Variants in CFAP92 observed in about 807,000 individuals in gnomAD.
CFAP92 encodes uncharacterized protein CFAP92.
CFAP92 carries 86 observed loss-of-function variants against 106.3 expected under a neutral mutation model. The observed-to-expected ratio is 0.81, with a 90% confidence interval of 0.68 to 0.97. CFAP92 has a LOEUF of 0.97. CFAP92 is among the 50% of genes least tolerant of loss of function. The probability of loss-of-function intolerance (pLI) is 0.00; values close to 1 mark genes in which losing one functional copy is unlikely to be tolerated. For synonymous variants in CFAP92, 477 were observed against 506.4 expected, an observed-to-expected ratio of 0.94 and a Z score of 0.78; for missense variants, 1,204 against 1,283.8, an observed-to-expected ratio of 0.94 and a Z score of 0.95.
At chr3:129,004,660 T>C (rs1433927107), upstream of CFAP92, among the ~76,000 whole-genome samples, 2 of 152,102 alleles carry the variant, frequency 1.3e-5, no homozygotes, top group Non-Finnish European at 1.5e-5. Context: ...ATCATAATGA[T>C]AATAGCTTAC....
At chr3:128,913,931 C>T (rs1443762177) in intron 15 of CFAP92, among the ~76,000 whole-genome samples, 2 of 152,084 alleles carry the variant, frequency 1.3e-5, no homozygotes, top group African/African-American at 4.8e-5. Context: ...TCTGTGCAGC[C>T]TTCTGGAAGG....
the CFAP92 span, among the ~76,000 whole-genome samples, chr3:129,022,271 T>A: frequency 6.6e-6 from 1 of 152,176 alleles, no homozygotes; most frequent in Non-Finnish European, 1.5e-5. Flanking sequence ...GTTGACTGAT[T>A]AATCAATGAG....
chr3:128,940,074 G>A (rs1380481832), intron 10 of CFAP92, among the ~76,000 whole-genome samples: 3 of 152,122 alleles, frequency 2.0e-5, no homozygotes, highest in Admixed American at 6.5e-5. Context: ...TCTTGTGGCC[G>A]GCCGCCTCTC....
At chr3:128,957,988 G>GCATGTGGCAGCATCCACTTTC (rs1333799017) in intron 9 of CFAP92, among the ~76,000 whole-genome samples, 3 of 152,110 alleles carry the variant, frequency 2.0e-5, no homozygotes, top group Non-Finnish European at 2.9e-5. Flanking sequence ...ATGTCCCCTG[G>GCATGTGGCAGCATCCACTTTC]CATGTGGCAG....
Position 128,988,757 on chromosome 3 carries a change from C to G in CFAP92, c.424G>C (p.Ala142Pro). The G allele has an allele frequency of 6.2e-7, 1 of 1,613,640 alleles. No homozygotes were observed. The highest frequency in any genetic ancestry group is 8.5e-7 in the Non-Finnish European group (1 of 1,179,894). Residue 142 changes from alanine (A) to proline (P), a missense_variant, in exon 3 of 16, where the codon GCC becomes CCC. Physicochemically the swap from Ala to Pro is conservative, Grantham distance 27. Transcript: ENST00000645291. ...ACTCCTGACTCCAGGAATACTTTGG[C>G]CACCATTGGAAATAGCAATATGTCA... ...KVDILLFPMV[A>P]KVFLESGVKT...
chr3:128,956,227 A>C (rs1229801051), intron 9 of CFAP92, among the ~76,000 whole-genome samples: 1 of 91,976 alleles, frequency 1.1e-5, no homozygotes, highest in Non-Finnish European at 2.0e-5. Context: ...AAAAAAAAAA[A>C]AGAAAATAGA....
intron 2 of CFAP92, among the ~76,000 whole-genome samples, chr3:128,992,647 TCAC>T (rs1944286976): frequency 6.6e-6 from 1 of 151,972 alleles, no homozygotes; most frequent in Non-Finnish European, 1.5e-5. Context: ...TGATCTCTGC[TCAC>T]CACAACCTCC....
intron 9 of CFAP92, among the ~76,000 whole-genome samples, chr3:128,956,319 G>A (rs1410245583): frequency 6.6e-6 from 1 of 151,382 alleles, no homozygotes; most frequent in East Asian, 1.9e-4. Context: ...AGGGCCCTGT[G>A]GGACTAAAAC....
chr3:128,942,881 C>T (rs962924618), intron 10 of CFAP92, among the ~76,000 whole-genome samples: 36 of 147,472 alleles, frequency 2.4e-4, no homozygotes, highest in African/African-American at 5.8e-4. Flanking sequence ...GGGGTTTCAC[C>T]GTGTTGGCAA....
intron 9 of CFAP92, among the ~76,000 whole-genome samples, chr3:128,956,790 G>A (rs1251706159): frequency 2.0e-5 from 3 of 151,834 alleles, no homozygotes; most frequent in Non-Finnish European, 4.4e-5. Flanking sequence ...CACTAGCCTG[G>A]CTAACATGGT....
At position 128,962,737 on chromosome 3, in the gene CFAP92, C is replaced by T. The variant is rs1054591893; in HGVS notation, c.1353+2774G>A. Among the ~76,000 whole-genome samples the T allele has an allele frequency of 1.0e-3, 157 of 152,298 alleles. 1 individual carries two copies. The highest frequency in any genetic ancestry group is 3.2e-3 in the African/African-American group (135 of 41,564). ...AAAAGGATTAAAGCCTGTGATCACT[C>T]GCCTGCTACAGCACGGGCTTCTAAA... On this transcript the variant is annotated intron_variant, in intron 9 of 15. Coordinates refer to ENST00000645291, the MANE Select transcript of CFAP92 (RefSeq NM_001394090.1).
chr3:129,019,131 G>A, the CFAP92 span, among the ~76,000 whole-genome samples: 1 of 152,254 alleles, frequency 6.6e-6, no homozygotes, highest in Non-Finnish European at 1.5e-5. Context: ...TGGCCCCAGT[G>A]TGTTCTTTGA....
At position 128,971,415 on chromosome 3, in the gene CFAP92, T is replaced by C. The variant is rs935095670; in HGVS notation, c.1040A>G (p.Glu347Gly). The C allele has an allele frequency of 6.2e-7, 1 of 1,609,072 alleles. No individual in the cohort carries two copies. The highest frequency in any genetic ancestry group is 1.1e-5 in the South Asian group (1 of 90,424). The change falls in exon 8 of 16, where the codon GAG becomes GGG. Residue 347 changes from glutamate to glycine, a missense_variant. Coordinates refer to ENST00000645291, the MANE Select transcript of CFAP92 (RefSeq NM_001394090.1). ...QRSQIKGKDS[E>G]GRRKIQRRHK... ...TCTCCTCTGGATTTTCCTTCTTCCC[T>C]CTGAATCTTTCCCTTTAACTGTGAA... is the stretch of plus-strand genomic sequence containing the variant.
chr3:128,984,140 C>T (rs1943702794), intron 4 of CFAP92, among the ~76,000 whole-genome samples: 1 of 152,186 alleles, frequency 6.6e-6, no homozygotes, highest in Non-Finnish European at 1.5e-5. Flanking sequence ...GAAAAGAATG[C>T]TGTCTTCATC....
chr3:129,001,576 C>T (rs1338337127), intron 1 of CFAP92: 55 of 1,346,710 alleles, frequency 4.1e-5, no homozygotes, highest in South Asian at 5.6e-5. Flanking sequence ...CTGGAAGTGG[C>T]GGGGCGAAGG....
rs1165108916 is a variant in CFAP92 at position 128,932,740 on chromosome 3, A to G, written c.2711T>C (p.Met904Thr). ...QEKYLQWRSA[M>T]LMKNKDKKHS... ...CTTTTTGTCTTTGTTCTTCATAAGCATGGCACTCCGCCACTGCAGGTACTT... is the reference window on the plus strand; with the variant it reads ...CTTTTTGTCTTTGTTCTTCATAAGCGTGGCACTCCGCCACTGCAGGTACTT... Residue 904 changes from methionine to threonine, a missense_variant, in exon 12 of 16, where the codon ATG becomes ACG. Coordinates refer to ENST00000645291, the MANE Select transcript of CFAP92 (RefSeq NM_001394090.1). 3 of 1,535,258 alleles carry G rather than the reference A, an allele frequency of 2.0e-6. No individual in the cohort carries two copies. The highest frequency in any genetic ancestry group is 2.6e-6 in the Non-Finnish European group (3 of 1,146,750).
rs770104364 is a variant in CFAP92 at position 128,987,641 on chromosome 3, G to C, written c.642C>G (p.Asp214Glu). Residue 214 changes from aspartate to glutamate, a missense_variant, in exon 4 of 16, where the codon GAC becomes GAG. Physicochemically the swap from Asp to Glu is conservative, Grantham distance 45. Transcript: ENST00000645291. ...CTGACTTATGAAAAGCTCCCACGTC[G>C]TCTGTGAAGCCGGCAGTCTTTAATC... The part of the protein sequence containing the change: ...YYRLKTAGFT[D>E]DVGAFHKSEV... 1.2e-6 allele frequency: 2 copies of C among 1,613,848 alleles called. No homozygotes were observed. The highest frequency in any genetic ancestry group is 2.2e-5 in the East Asian group (1 of 44,898).
chr3:128,973,659 G>GAAAA (rs34115052), intron 7 of CFAP92, among the ~76,000 whole-genome samples: 1 of 126,742 alleles, frequency 7.9e-6, no homozygotes, highest in African/African-American at 2.9e-5. Flanking sequence ...TCTGTCTCAA[G>GAAAA]AAAAAAAAAA....
At chr3:128,959,930 C>G (rs1299521596) in intron 9 of CFAP92, among the ~76,000 whole-genome samples, 2 of 152,228 alleles carry the variant, frequency 1.3e-5, no homozygotes, top group African/African-American at 4.8e-5. Flanking sequence ...ACAGCCTTAA[C>G]TGATGACATT....
Sources: allele counts gnomAD v4.1 joint callset (sites outside exome capture counted in the v4.1 genomes callset), GRCh38; gene constraint gnomAD v4.1.1; transcripts MANE v1.5; gene names NCBI Gene and HGNC (gene_info 2026-07-23, HGNC 2026-07-21).